Variants in KDM5A observed in about 807,000 individuals in gnomAD.
KDM5A encodes lysine-specific demethylase 5A.
In KDM5A, 42 loss-of-function variants were observed where a neutral mutation model predicts 193.5. The observed-to-expected ratio is 0.22, with a 90% CI of 0.17 to 0.28. The LOEUF (loss-of-function observed/expected upper bound fraction) is 0.28. Ranked by LOEUF, KDM5A falls within the 10% of genes least tolerant of loss-of-function variation. KDM5A has a pLI of 1.00. For synonymous variants in KDM5A, 796 were observed against 718.1 expected (o/e 1.11, Z -1.73); for missense variants, 1,692 against 2,055.1 (o/e 0.82, Z 3.42).
chr12:358,942 G>C lies in KDM5A; in HGVS notation c.673-2405C>G, dbSNP rs556509359. On this transcript the variant is annotated intron_variant, in intron 5 of 27. Transcript: ENST00000399788. The stretch of plus-strand genomic sequence containing the variant: ...GCTGAGATCATGCCACTGCACTCCA[G>C]CCTGGGCGACAGAGCAAGACTCCAT... Among the ~76,000 whole-genome samples the C allele has an allele frequency of 3.0e-3, 450 of 151,930 alleles. 1 individual carries two copies. The highest frequency in any genetic ancestry group is 0.01 in the African/African-American group (429 of 41,446).
chr12:300,807 A>C (rs1943432351), intron 24 of KDM5A, among the ~76,000 whole-genome samples: 1 of 152,234 alleles, frequency 6.6e-6, no homozygotes, highest in Non-Finnish European at 1.5e-5. Flanking sequence ...GAGAAAAGAG[A>C]GAAGATTCAA....
chr12:311,302 GATA>G (rs2137394754), intron 20 of KDM5A: 1 of 516,268 alleles, frequency 1.9e-6, no homozygotes, highest in East Asian at 3.6e-5. Flanking sequence ...AGTACCAGTA[GATA>G]TAACAACCAG....
At chr12:310,613 G>A (rs1014915762) in intron 21 of KDM5A, among the ~76,000 whole-genome samples, 14 of 152,086 alleles carry the variant, frequency 9.2e-5, no homozygotes, top group Non-Finnish European at 1.9e-4. Flanking sequence ...CAGTCTGGGC[G>A]ACAGGGCAAG....
At chr12:330,085 G>A (rs2300129) in intron 13 of KDM5A, among the ~76,000 whole-genome samples, 70,329 of 139,182 alleles carry the variant, frequency 0.51, 18,115 homozygotes, top group South Asian at 0.67. Flanking sequence ...GTGTGTGTGT[G>A]TATATATATA....
intron 18 of KDM5A, among the ~76,000 whole-genome samples, chr12:319,042 T>A (rs1266209467): frequency 6.6e-6 from 1 of 152,170 alleles, no homozygotes. Flanking sequence ...ATGAGCTTGG[T>A]GTGTTGCTAC....
At chr12:290,405 G>T (rs1943277910) in intron 27 of KDM5A, among the ~76,000 whole-genome samples, 1 of 152,154 alleles carries the variant, frequency 6.6e-6, no homozygotes, top group Non-Finnish European at 1.5e-5. Context: ...AACATAGGGT[G>T]GGGCACACGT....
intron 27 of KDM5A, among the ~76,000 whole-genome samples, chr12:287,706 T>C (rs73041825): frequency 1.4e-3 from 214 of 152,292 alleles, no homozygotes; most frequent in Middle Eastern, 3.4e-3. Flanking sequence ...TTTATAATGG[T>C]ACCTGTGAAC....
At position 310,086 on chromosome 12, in the gene KDM5A, T is replaced by C. The variant is rs1943565077; in HGVS notation, c.3217-122A>G. 2.9e-5 allele frequency: 26 copies of C among 909,716 alleles called. No individual in the cohort carries two copies. In the South Asian group the frequency reaches 3.9e-4, roughly 14 times the overall value. The allele number at this position is 909,716 out of a possible 1,614,324, so 56.4% of individuals were successfully genotyped here. A position where few individuals can be genotyped will look rare whatever the true frequency, so the allele number is the denominator to read the frequency against. On this transcript the variant is annotated intron_variant, in intron 21 of 27. Coordinates refer to ENST00000399788, the MANE Select transcript of KDM5A (RefSeq NM_001042603.3). ...CCCACGCACTTTCTTAAGGACTTTATACACATGATCTAATTCATTCCTCAC... is the reference window on the plus strand; with the variant it reads ...CCCACGCACTTTCTTAAGGACTTTACACACATGATCTAATTCATTCCTCAC...
chr12:386,451 T>C (rs1228604785), intron 1 of KDM5A, among the ~76,000 whole-genome samples: 1 of 152,228 alleles, frequency 6.6e-6, no homozygotes, highest in Non-Finnish European at 1.5e-5. Flanking sequence ...CATTCCTGAC[T>C]GTGAATTTAC....
In KDM5A at chr12:323,069, A is replaced by T; in HGVS notation, c.2275+13T>A. The stretch of plus-strand genomic sequence containing the variant: ...TCAATTCAGTATATGCATACAAAAG[A>T]AGGAAATTTAACCTTTTTTGTGGTT... On this transcript the variant is annotated intron_variant, in intron 16 of 27. Transcript: ENST00000399788. The T allele has an allele frequency of 6.2e-7, 1 of 1,613,718 alleles. No homozygotes were observed. Among genetic ancestry groups the T allele is most frequent in the Non-Finnish European group, 8.5e-7 (1 of 1,179,762 alleles).
Position 389,228 on chromosome 12 carries a change from A to T in KDM5A, c.-137T>A. The T allele has an allele frequency of 1.2e-6, 1 of 852,360 alleles. No homozygotes were observed. The highest frequency in any genetic ancestry group is 2.0e-6 in the Non-Finnish European group (1 of 503,574). The allele number at this position is 852,360 out of a possible 1,614,324, so 52.8% of individuals were successfully genotyped here. ...CGGACAAGAACCGTTCAACACAGAA[A>T]CCCCAGAATCGCTTCCTCCTCCCGT... On this transcript the variant is annotated 5_prime_UTR_variant, in exon 1 of 28. Coordinates refer to ENST00000399788, the MANE Select transcript of KDM5A (RefSeq NM_001042603.3).
chr12:289,910 T>TA (rs200372066), intron 27 of KDM5A, among the ~76,000 whole-genome samples: 1 of 127,702 alleles, frequency 7.8e-6, no homozygotes, highest in East Asian at 2.5e-4. Context: ...TTTCTTTCTT[T>TA]TTTTTTTTTT....
At chr12:363,444 G>T (rs1944316552) in intron 4 of KDM5A, among the ~76,000 whole-genome samples, 1 of 152,164 alleles carries the variant, frequency 6.6e-6, no homozygotes, top group Admixed American at 6.5e-5. Context: ...AACAAAAACA[G>T]AGTTCAGAAA....
Position 297,132 on chromosome 12 carries a change from G to C in KDM5A, c.4143C>G (p.Ile1381Met). 1.2e-6 allele frequency: 2 copies of C among 1,613,998 alleles called. No homozygotes were observed. The highest frequency in any genetic ancestry group is 8.5e-7 in the Non-Finnish European group (1 of 1,179,974). ...TGTGGGTCACCACCTCCTCGGATTT[G>C]ATGGGAATCTCTTCATCACAAAAAA... ...PNLFCDEEIP[I>M]KSEEVVTHMW... The change falls in exon 25 of 28, where the codon ATC becomes ATG. Residue 1381 changes from isoleucine to methionine, a missense_variant. Physicochemically the swap from Ile to Met is conservative, Grantham distance 10. Coordinates refer to ENST00000399788, the MANE Select transcript of KDM5A (RefSeq NM_001042603.3).
intron 10 of KDM5A, among the ~76,000 whole-genome samples, chr12:349,808 T>C (rs1217088157): frequency 6.6e-6 from 1 of 151,452 alleles, no homozygotes; most frequent in African/African-American, 2.4e-5. Context: ...CAGGTGTGAG[T>C]CATTGCACTC....
At chr12:298,187 G>A (rs1198490697) in intron 24 of KDM5A, among the ~76,000 whole-genome samples, 3 of 152,182 alleles carry the variant, frequency 2.0e-5, no homozygotes, top group East Asian at 3.9e-4. Flanking sequence ...CACAGCATTC[G>A]AGCTCTGATA....
intron 3 of KDM5A, among the ~76,000 whole-genome samples, chr12:383,694 G>A (rs748847536): frequency 1.3e-5 from 2 of 151,558 alleles, no homozygotes; most frequent in Non-Finnish European, 2.9e-5. Context: ...TATAAAATAA[G>A]TTTTAAAGAT....
At chr12:356,606 A>G (rs1234725267) in intron 5 of KDM5A, 69 bp from the exon 6 acceptor site, 13 of 969,294 alleles carry the variant, frequency 1.3e-5, no homozygotes, top group South Asian at 1.3e-4. Flanking sequence ...TTACCCAAGG[A>G]AAGTTTCAGA....
chr12:324,581 C>T (rs1024039982), intron 14 of KDM5A, among the ~76,000 whole-genome samples: 7 of 152,020 alleles, frequency 4.6e-5, no homozygotes, highest in Admixed American at 6.6e-5. Context: ...ATGCCAAGAA[C>T]GTAAGAGCAG....
Sources: gnomAD v4.1 joint callset for allele counts (sites outside exome capture counted in the v4.1 genomes callset) on GRCh38, gnomAD v4.1.1 for gene constraint, MANE v1.5 for transcripts, NCBI Gene and HGNC (gene_info 2026-07-23, HGNC 2026-07-21) for gene names.